ZNF233: variants seen among roughly 807,000 people sequenced by gnomAD.
ZNF233 encodes zinc finger protein 233.
Under a neutral mutation model 11.6 loss-of-function variants are expected in ZNF233, and 7 were observed. The ratio of observed to expected loss-of-function variants is 0.60; its 90% CI spans 0.34 to 1.13. The LOEUF is 1.13. Among genes scored for constraint, ZNF233 ranks in the 50% most tolerant of loss-of-function variants. ZNF233 has a pLI of 0.03. For missense variants in ZNF233, 711 were observed against 785.5 expected (o/e 0.91, Z 1.13); for synonymous variants, 226 against 268.5 (o/e 0.84, Z 1.55).
At chr19:44,268,187 T>C (rs900260755) in intron 4 of ZNF233, 5 of 142,674 alleles carry the variant, frequency 3.5e-5, no homozygotes, top group African/African-American at 1.5e-4. Context: ...TACATACATT[T>C]AATTAAATTA....
At position 44,273,241 on chromosome 19, in the gene ZNF233, A is replaced by G. The variant is rs1437297636; in HGVS notation, c.581A>G (p.Tyr194Cys). The G allele has an allele frequency of 1.2e-6, 2 of 1,613,936 alleles. No individual in the cohort carries two copies. The highest frequency in any genetic ancestry group is 1.7e-6 in the Non-Finnish European group (2 of 1,180,046). The change falls in exon 5 of 5, where the codon TAT becomes TGT. Residue 194 changes from tyrosine (Y) to cysteine (C), a missense_variant. Transcript: ENST00000683810. ...ATGTATCTGAGAGAACCACAGAATTATCAGAGTAGGTGTCAGCAAATTGAT... is the reference window on the plus strand; with the variant it reads ...ATGTATCTGAGAGAACCACAGAATTGTCAGAGTAGGTGTCAGCAAATTGAT... The part of the protein sequence containing the change: ...RKMYLREPQN[Y>C]QSRCQQIDVK...
chr19:44,272,438 A>G (rs1975261473), intron 4 of ZNF233, among the ~76,000 whole-genome samples: 1 of 151,842 alleles, frequency 6.6e-6, no homozygotes, highest in Non-Finnish European at 1.5e-5. Context: ...ATAGGCATGA[A>G]AAAAACCAAT....
At chr19:44,261,913 A>C (rs1039856450) in intron 1 of ZNF233, among the ~76,000 whole-genome samples, 4 of 152,056 alleles carry the variant, frequency 2.6e-5, no homozygotes, top group African/African-American at 9.7e-5. Context: ...TGACCTCCTA[A>C]AGTGCTGGGA....
intron 4 of ZNF233, among the ~76,000 whole-genome samples, chr19:44,272,371 A>G (rs1333720615): frequency 6.7e-6 from 1 of 149,712 alleles, no homozygotes; most frequent in Non-Finnish European, 1.5e-5. Flanking sequence ...GTCTTGGTAT[A>G]GCTCTAAATG....
intron 1 of ZNF233, among the ~76,000 whole-genome samples, chr19:44,260,735 T>C (rs1423708164): frequency 3.3e-5 from 5 of 152,148 alleles, no homozygotes; most frequent in African/African-American, 9.7e-5. Flanking sequence ...GGTAACATTG[T>C]CCCAACGTGA....
intron 4 of ZNF233, among the ~76,000 whole-genome samples, chr19:44,272,465 T>C (rs577411462): frequency 7.2e-5 from 11 of 151,876 alleles, no homozygotes; most frequent in African/African-American, 2.7e-4. Context: ...CTGGGTGCGG[T>C]GGCTCACACC....
At position 44,272,896 on chromosome 19, in the gene ZNF233, T is replaced by C. The variant is rs2123067005; in HGVS notation, c.239-3T>C. 1 of 1,544,950 alleles carries C rather than the reference T, an allele frequency of 6.5e-7. No homozygotes were observed. Among genetic ancestry groups the C allele is most frequent in the African/African-American group, 1.4e-5 (1 of 72,592 alleles). ...CATTTCTGAGTTCTCTTTATCATTC[T>C]AGGACACAAGAATCAAAATGAGATA... is the stretch of plus-strand genomic sequence containing the variant. On this transcript the variant is annotated splice_polypyrimidine_tract_variant and splice_region_variant and intron_variant, in intron 4 of 4. Coordinates refer to ENST00000683810, the MANE Select transcript of ZNF233 (RefSeq NM_001207005.2).
chr19:44,274,233 G>T lies in ZNF233; in HGVS notation c.1573G>T (p.Ala525Ser), dbSNP rs1229293970. 6 of 1,609,520 alleles carry T rather than the reference G, an allele frequency of 3.7e-6. No homozygotes were observed. In the Admixed American group the frequency reaches 1.0e-4, roughly 27 times the overall value. The change falls in exon 5 of 5, where the codon GCC (alanine) becomes TCC (serine). Residue 525 changes from alanine (A) to serine (S), a missense_variant. Ala to Ser is a moderately conservative substitution (Grantham distance 99). Coordinates refer to ENST00000683810, the MANE Select transcript of ZNF233 (RefSeq NM_001207005.2). ...KDFSQISHLQ[A>S]HQRVHKGEKP... ...CTTCAGTCAGATCTCTCATCTTCAGGCCCATCAGAGAGTTCACAAAGGAGA... is the reference window on the plus strand; with the variant it reads ...CTTCAGTCAGATCTCTCATCTTCAGTCCCATCAGAGAGTTCACAAAGGAGA...
At position 44,259,929 on chromosome 19, in the gene ZNF233, C is replaced by G. The variant is rs1163698190; in HGVS notation, c.-57C>G. 2.2e-6 allele frequency: 1 copy of G among 455,706 alleles called. No homozygotes were observed. Among genetic ancestry groups the G allele is most frequent in the Non-Finnish European group, 4.4e-6 (1 of 226,592 alleles). The allele number at this position is 455,706 out of a possible 1,614,324, so 28.2% of individuals were successfully genotyped here. ...AGGGCGAAGCAGCCGTCATCTATCC[C>G]CTCTGGGAGGTGAGTCAGCGCGGAA... is the stretch of plus-strand genomic sequence containing the variant. On this transcript the variant is annotated 5_prime_UTR_variant, in exon 1 of 5. Coordinates refer to ENST00000683810, the MANE Select transcript of ZNF233 (RefSeq NM_001207005.2).
At chr19:44,262,816 G>T (rs1223878052) in intron 1 of ZNF233, among the ~76,000 whole-genome samples, 1 of 152,174 alleles carries the variant, frequency 6.6e-6, no homozygotes, top group Non-Finnish European at 1.5e-5. Context: ...AGTCAATTAG[G>T]ATATTAGGTT....
In ZNF233 at chr19:44,260,458, G is replaced by T. The variant is rs139749177; in HGVS notation, c.-48+520G>T. Reference sequence around the variant, plus strand: ...CTGAGCTCCAGGTGCAGCGCTACTCGCCCTTCTCTGATCTCTGCACCTCGC... The same window carrying T: ...CTGAGCTCCAGGTGCAGCGCTACTCTCCCTTCTCTGATCTCTGCACCTCGC... On this transcript the variant is annotated intron_variant, in intron 1 of 4. Coordinates refer to ENST00000683810, the MANE Select transcript of ZNF233 (RefSeq NM_001207005.2). 8.8e-4 allele frequency among the ~76,000 whole-genome samples: 134 copies of T among 152,236 alleles called. 1 individual carries two copies. Among genetic ancestry groups the T allele is most frequent in the Middle Eastern group, 3.4e-3 (1 of 294 alleles).
chr19:44,265,366 TAC>T (rs67044027), intron 2 of ZNF233, among the ~76,000 whole-genome samples: 21,263 of 132,636 alleles, frequency 0.16, 1,622 homozygotes, highest in Middle Eastern at 0.24. Flanking sequence ...CATATATATA[TAC>T]ACACACACAC....
In ZNF233 at chr19:44,274,459, G is replaced by C. The variant is rs1009398833; in HGVS notation, c.1799G>C (p.Gly600Ala). ...TACAAATGTGAAGAATGTAGGAAAG[G>C]CTTCATCTGGAACTCATATCTTCAT... Reference protein sequence around the residue: ...KPYKCEECRKGFIWNSYLHVH... With the variant: ...KPYKCEECRKAFIWNSYLHVH... The change falls in exon 5 of 5, where the codon GGC becomes GCC. Residue 600 changes from glycine to alanine, a missense_variant. Gly to Ala is a moderately conservative substitution (Grantham distance 60). Transcript: ENST00000683810. The C allele has an allele frequency of 6.8e-6, 11 of 1,613,970 alleles. No individual in the cohort carries two copies. Among genetic ancestry groups the C allele is most frequent in the South Asian group, 5.5e-5 (5 of 91,078 alleles).
In ZNF233 at chr19:44,275,251, G is replaced by T; in HGVS notation, c.*578G>T. 4.1e-6 allele frequency: 1 copy of T among 244,300 alleles called. No individual in the cohort carries two copies. The highest frequency in any genetic ancestry group is 7.7e-6 in the Non-Finnish European group (1 of 129,594). The allele number at this position is 244,300 out of a possible 1,614,324, so 15.1% of individuals were successfully genotyped here. A position where few individuals can be genotyped will look rare whatever the true frequency, so the allele number is the denominator to read the frequency against. On this transcript the variant is annotated 3_prime_UTR_variant, in exon 5 of 5. Coordinates refer to ENST00000683810, the MANE Select transcript of ZNF233 (RefSeq NM_001207005.2). ...CGTCATTATAATTGTACTGGGAAAA[G>T]GATTCTTGCAAGAAGCCTTAAAATG...
In ZNF233 at chr19:44,274,244, A is replaced by C; in HGVS notation, c.1584A>C (p.Arg528Ser). The change falls in exon 5 of 5, where the codon AGA becomes AGC. Residue 528 changes from arginine (R) to serine (S), a missense_variant. Transcript: ENST00000683810. ...SQISHLQAHQ[R>S]VHKGEKPYKC... ...TCTCTCATCTTCAGGCCCATCAGAG[A>C]GTTCACAAAGGAGAGAAGCCATACA... 6.2e-7 allele frequency: 1 copy of C among 1,609,706 alleles called. No homozygotes were observed. Among genetic ancestry groups the C allele is most frequent in the Non-Finnish European group, 8.5e-7 (1 of 1,176,452 alleles).
rs371288670 is a variant in ZNF233, at chr19:44,262,078, A to AT, written c.-48+2144dup. Among the ~76,000 whole-genome samples the AT allele has an allele frequency of 9.0e-4, 137 of 152,302 alleles. 2 individuals carry two copies. The highest frequency in any genetic ancestry group is 3.2e-3 in the African/African-American group (132 of 41,570). ...TCCCAATTAATTTAATAGCCTGAGA[A>AT]TTTTGTAGCTTAAAGGAATCTTGGA... is the stretch of plus-strand genomic sequence containing the variant. On this transcript the variant is annotated intron_variant, in intron 1 of 4. Coordinates refer to ENST00000683810, the MANE Select transcript of ZNF233 (RefSeq NM_001207005.2).
In ZNF233 at chr19:44,264,348, G is replaced by A. The variant is rs1472343834; in HGVS notation, c.-13G>A. 1.2e-6 allele frequency: 2 copies of A among 1,613,080 alleles called. No individual in the cohort carries two copies. Among genetic ancestry groups the A allele is most frequent in the Non-Finnish European group, 1.7e-6 (2 of 1,179,584 alleles). ...CCCAGGACCCTGCCCTTCCCCAGAAGGAGCAGGAGAAAATGACCAAGTTTC... is the reference window on the plus strand; with the variant it reads ...CCCAGGACCCTGCCCTTCCCCAGAAAGAGCAGGAGAAAATGACCAAGTTTC... On this transcript the variant is annotated 5_prime_UTR_variant, in exon 2 of 5. Coordinates refer to ENST00000683810, the MANE Select transcript of ZNF233 (RefSeq NM_001207005.2).
At chr19:44,267,287 C>CTT (rs1386338920) in intron 4 of ZNF233, 2 of 403,616 alleles carry the variant, frequency 5.0e-6, no homozygotes, top group Non-Finnish European at 8.7e-6. Flanking sequence ...CTATCCTTTG[C>CTT]TTTTCACTCA....
intron 1 of ZNF233, among the ~76,000 whole-genome samples, chr19:44,263,783 T>C (rs1348630369): frequency 6.6e-6 from 1 of 152,226 alleles, no homozygotes; most frequent in African/African-American, 2.4e-5. Context: ...ACTCTCTTAT[T>C]GGAAATGATG....
Sources: allele counts gnomAD v4.1 joint callset (sites outside exome capture counted in the v4.1 genomes callset), GRCh38; gene constraint gnomAD v4.1.1; transcripts MANE v1.5; gene names NCBI Gene and HGNC (gene_info 2026-07-23, HGNC 2026-07-21).